ESRRG: variants seen among roughly 807,000 people sequenced by gnomAD.
ESRRG encodes estrogen related receptor gamma, also known as estrogen-related receptor gamma.
In ESRRG, 13 loss-of-function variants were observed where a neutral mutation model predicts 44.0. The ratio of observed to expected loss-of-function variants is 0.30; its 90% CI spans 0.19 to 0.47. The LOEUF is 0.47. ESRRG is among the 20% of genes least tolerant of loss of function. The pLI, the probability that ESRRG is intolerant of heterozygous loss-of-function variation, is 1.00. For missense variants in ESRRG, 395 were observed against 580.6 expected (o/e 0.68, Z 3.29); for synonymous variants, 215 against 214.6 (o/e 1.00, Z -0.02).
chr1:216,682,709 AGTGTGTGT>A (rs72420221), intron 1 of ESRRG, among the ~76,000 whole-genome samples: 7 of 144,662 alleles, frequency 4.8e-5, no homozygotes, highest in South Asian at 2.2e-4. Context: ...AATACTCTAT[AGTGTGTGT>A]GTGTGTGTGT....
At position 216,712,207 on chromosome 1, in the gene ESRRG, G is replaced by A. The variant is rs529341380; in HGVS notation, c.56+11037C>T. 2.0e-5 allele frequency among the ~76,000 whole-genome samples: 3 copies of A among 152,310 alleles called. No homozygotes were observed. In the South Asian group the frequency reaches 6.2e-4, roughly 32 times the overall value. On this transcript the variant is annotated intron_variant, in intron 1 of 6. Coordinates refer to ENST00000408911, the MANE Select transcript of ESRRG (RefSeq NM_001438.4). ...GTGAAATGAAGTTTTTTGCATGTAA[G>A]AACATTTACGTATTCAATGGAGTGT...
At chr1:216,800,083 C>A (rs1028970937) in intron 2 of ESRRG, among the ~76,000 whole-genome samples, 3 of 152,082 alleles carry the variant, frequency 2.0e-5, no homozygotes, top group Non-Finnish European at 4.4e-5. Context: ...GAAATGTAGA[C>A]TAAAAATTCG....
chr1:216,555,063 C>T (rs1411914902), intron 5 of ESRRG, among the ~76,000 whole-genome samples: 1 of 152,180 alleles, frequency 6.6e-6, no homozygotes, highest in Non-Finnish European at 1.5e-5. Context: ...AGCACCATTG[C>T]CTTTCACACA....
intron 2 of ESRRG, among the ~76,000 whole-genome samples, chr1:216,782,134 G>T (rs540074551): frequency 6.6e-6 from 1 of 152,192 alleles, no homozygotes; most frequent in South Asian, 2.1e-4. Context: ...TGCAAGTCTT[G>T]TGTGAGTAAC....
At position 216,939,144 on chromosome 1, in the gene ESRRG, G is replaced by A. The variant is rs11572490; in HGVS notation, c.-14+438C>T. On this transcript the variant is annotated intron_variant, in intron 2 of 7. Transcript: ENST00000359162. ...CCCTATCTTAAACGCAGGACAAGAC[G>A]TAAAGAAGAGTAATATTTTACTTCT... Among the ~76,000 whole-genome samples, 9 of 151,918 alleles carry A rather than the reference G, an allele frequency of 5.9e-5. No homozygotes were observed. The South Asian group carries it at 8.3e-4, about 14-fold the overall frequency.
chr1:217,057,042 G>T (rs1042845254), intron 1 of ESRRG, among the ~76,000 whole-genome samples: 2 of 152,128 alleles, frequency 1.3e-5, no homozygotes, highest in Non-Finnish European at 1.5e-5. Flanking sequence ...GGGAGATGGA[G>T]CAGTTTACTC....
intron 2 of ESRRG, among the ~76,000 whole-genome samples, chr1:216,772,581 G>A (rs982717083): frequency 6.6e-6 from 1 of 152,124 alleles, no homozygotes; most frequent in Non-Finnish European, 1.5e-5. Context: ...CATATTCTTT[G>A]TCATTCCTCA....
intron 2 of ESRRG, among the ~76,000 whole-genome samples, chr1:216,782,585 C>T (rs2093974593): frequency 6.6e-6 from 1 of 152,038 alleles, no homozygotes; most frequent in Non-Finnish European, 1.5e-5. Context: ...TAGCACTTAA[C>T]AGCAGAATTG....
chr1:216,893,711 A>G (rs1308377670), intron 2 of ESRRG, among the ~76,000 whole-genome samples: 1 of 152,124 alleles, frequency 6.6e-6, no homozygotes, highest in Non-Finnish European at 1.5e-5. Context: ...TTCTACATAC[A>G]TATTTCTAAG....
At chr1:217,032,068 G>A (rs1259782369) in intron 1 of ESRRG, among the ~76,000 whole-genome samples, 2 of 151,936 alleles carry the variant, frequency 1.3e-5, no homozygotes, top group African/African-American at 2.4e-5. Flanking sequence ...GACTGTCCTG[G>A]GCAAACCAGA....
intron 2 of ESRRG, among the ~76,000 whole-genome samples, chr1:216,656,363 G>A (rs898724106): frequency 1.3e-5 from 2 of 152,114 alleles, no homozygotes; most frequent in African/African-American, 2.4e-5. Flanking sequence ...GGAAGCTCTC[G>A]GTTTTTAAAC....
At chr1:216,548,885 T>C (rs1197194669) in intron 5 of ESRRG, among the ~76,000 whole-genome samples, 1 of 152,114 alleles carries the variant, frequency 6.6e-6, no homozygotes, top group Non-Finnish European at 1.5e-5. Flanking sequence ...AATAATGCAG[T>C]AAAAATTTTA....
intron 5 of ESRRG, among the ~76,000 whole-genome samples, chr1:216,533,404 TGA>T (rs1419569436): frequency 6.6e-6 from 1 of 152,126 alleles, no homozygotes; most frequent in Non-Finnish European, 1.5e-5. Context: ...CCTCAAGATA[TGA>T]GAGAGTGTAT....
In ESRRG at chr1:216,694,156, T is replaced by C. The variant is rs11572682; in HGVS notation, c.57-16665A>G. Among the ~76,000 whole-genome samples the C allele has an allele frequency of 8.2e-4, 125 of 152,294 alleles. 1 individual carries two copies. The East Asian group carries it at 0.021, about 26-fold the overall frequency. On this transcript the variant is annotated intron_variant, in intron 1 of 6. Coordinates refer to ENST00000408911, the MANE Select transcript of ESRRG (RefSeq NM_001438.4). ...AACTCTGACATGGTATCTACAAGAC[T>C]TGGTTGCTAAAGCTGTTAAATGGAA...
chr1:217,113,163 G>T (rs115490741), intron 1 of ESRRG, among the ~76,000 whole-genome samples: 5,678 of 152,276 alleles, frequency 0.037, 125 homozygotes, highest in Non-Finnish European at 0.038. Context: ...TGAGAAAGTA[G>T]CTCAGTTGCA....
intron 2 of ESRRG, among the ~76,000 whole-genome samples, chr1:216,834,465 C>A (rs1185399499): frequency 6.6e-6 from 1 of 151,886 alleles, no homozygotes; most frequent in Admixed American, 6.6e-5. Context: ...ATATAAAGGA[C>A]AAATAAAGAA....
intron 2 of ESRRG, among the ~76,000 whole-genome samples, chr1:216,801,105 T>A (rs2094602265): frequency 6.6e-6 from 1 of 152,212 alleles, no homozygotes; most frequent in African/African-American, 2.4e-5. Flanking sequence ...CATTTTTTAT[T>A]GATTGCAAGA....
At chr1:217,038,318 T>G (rs2083276844) in intron 1 of ESRRG, among the ~76,000 whole-genome samples, 1 of 152,186 alleles carries the variant, frequency 6.6e-6, no homozygotes, top group African/African-American at 2.4e-5. Flanking sequence ...TAGGGGGAGG[T>G]TCTCAAACCT....
intron 1 of ESRRG, among the ~76,000 whole-genome samples, chr1:216,685,869 A>G (rs2077846301): frequency 6.6e-6 from 1 of 152,256 alleles, no homozygotes; most frequent in Non-Finnish European, 1.5e-5. Flanking sequence ...CTATAGACAT[A>G]GATCAGTTCA....
Sources: gnomAD v4.1 joint callset for allele counts (sites outside exome capture counted in the v4.1 genomes callset) on GRCh38, gnomAD v4.1.1 for gene constraint, MANE v1.5 for transcripts, NCBI Gene and HGNC (gene_info 2026-07-23, HGNC 2026-07-21) for gene names.